The following HCRTR2 variants were observed in gnomAD, a reference collection of about 807,000 sequenced individuals.
The protein encoded by HCRTR2 is orexin receptor type 2.
HCRTR2 carries 22 observed loss-of-function variants against 49.0 expected under a neutral mutation model. The ratio of observed to expected loss-of-function variants is 0.45; its 90% CI spans 0.32 to 0.64. The LOEUF is 0.64. HCRTR2 is among the 30% of genes least tolerant of loss of function. The pLI, the probability that HCRTR2 is intolerant of heterozygous loss-of-function variation, is 0.04. For missense variants in HCRTR2, 491 were observed against 559.4 expected (o/e 0.88, Z 1.23); for synonymous variants, 236 against 205.3 (o/e 1.15, Z -1.28).
intron 1 of HCRTR2, among the ~76,000 whole-genome samples, chr6:55,149,000 A>T (rs1345138331): frequency 6.6e-6 from 1 of 152,016 alleles, no homozygotes; most frequent in Admixed American, 6.6e-5. Flanking sequence ...TAAAATGTGG[A>T]AAGTTAATAT....
intron 3 of HCRTR2, among the ~76,000 whole-genome samples, chr6:55,257,799 T>G (rs60529925): frequency 0.075 from 11,388 of 151,892 alleles, 865 homozygotes; most frequent in African/African-American, 0.19. Flanking sequence ...GAAAACTATT[T>G]GAAGGTGATT....
intron 3 of HCRTR2, among the ~76,000 whole-genome samples, chr6:55,261,886 A>T (rs145445985): frequency 2.1e-4 from 32 of 152,314 alleles, no homozygotes; most frequent in African/African-American, 7.5e-4. Flanking sequence ...CCAAATGCCC[A>T]TCAATCAATG....
intron 1 of HCRTR2, among the ~76,000 whole-genome samples, chr6:55,182,133 A>G (rs577948824): frequency 5.3e-5 from 8 of 152,298 alleles, no homozygotes; most frequent in African/African-American, 1.2e-4. Flanking sequence ...CCTTCATCCA[A>G]TGACTCACAG....
At position 55,282,440 on chromosome 6, in the gene HCRTR2, C is replaced by A; in HGVS notation, c.1321C>A (p.Leu441Ile). ...TLPAANGAGP[L>I]QNW Reference sequence around the variant, plus strand: ...CCCAGCAGCCAATGGAGCAGGACCACTTCAAAACTGGTAGAATATTTATTC... The same window carrying A: ...CCCAGCAGCCAATGGAGCAGGACCAATTCAAAACTGGTAGAATATTTATTC... The change falls in exon 7 of 7, where the codon CTT (leucine) becomes ATT (isoleucine). Residue 441 changes from leucine to isoleucine, a missense_variant. Physicochemically the swap from Leu to Ile is conservative, Grantham distance 5. Transcript: ENST00000370862. The A allele has an allele frequency of 6.4e-7, 1 of 1,564,024 alleles. No homozygotes were observed. Among genetic ancestry groups the A allele is most frequent in the Non-Finnish European group, 8.8e-7 (1 of 1,134,918 alleles).
At chr6:55,154,933 G>A (rs1764711169) in intron 1 of HCRTR2, among the ~76,000 whole-genome samples, 1 of 151,602 alleles carries the variant, frequency 6.6e-6, no homozygotes, top group African/African-American at 2.4e-5. Flanking sequence ...CTATATAATA[G>A]CAACAAACTA....
At chr6:55,249,911 G>A (rs1766516646) in intron 2 of HCRTR2, among the ~76,000 whole-genome samples, 2 of 151,912 alleles carry the variant, frequency 1.3e-5, no homozygotes, top group South Asian at 2.1e-4. Flanking sequence ...CTCCCAGATG[G>A]TGCCTATAAT....
intron 1 of HCRTR2, among the ~76,000 whole-genome samples, chr6:55,109,617 G>T (rs1287642513): frequency 6.6e-6 from 1 of 151,622 alleles, no homozygotes; most frequent in Non-Finnish European, 1.5e-5. Context: ...ATAGAAGAAA[G>T]AATTTCAGAG....
chr6:55,284,647 ACT>A (rs1254872664), downstream of HCRTR2, among the ~76,000 whole-genome samples: 3 of 151,752 alleles, frequency 2.0e-5, no homozygotes, highest in Non-Finnish European at 4.4e-5. Context: ...ATCAATGTTG[ACT>A]CTCACTCATG....
At chr6:55,163,108 C>T (rs539022118) in intron 1 of HCRTR2, among the ~76,000 whole-genome samples, 50 of 151,962 alleles carry the variant, frequency 3.3e-4, no homozygotes, top group African/African-American at 9.2e-4. Context: ...TGGTGGCAGG[C>T]GCCTGTAGTC....
chr6:55,121,056 T>C (rs917228192), intron 1 of HCRTR2, among the ~76,000 whole-genome samples: 12 of 152,124 alleles, frequency 7.9e-5, no homozygotes, highest in African/African-American at 2.7e-4. Flanking sequence ...ATCTATAAAT[T>C]ACCTTGGGCA....
At chr6:55,133,677 CT>C (rs1450188312) in intron 1 of HCRTR2, among the ~76,000 whole-genome samples, 1 of 149,508 alleles carries the variant, frequency 6.7e-6, no homozygotes, top group African/African-American at 2.5e-5. Flanking sequence ...ATCTATCTAT[CT>C]ATCTATCTAT....
At chr6:55,269,922 C>T (rs1242690557) in intron 4 of HCRTR2, among the ~76,000 whole-genome samples, 1 of 152,162 alleles carries the variant, frequency 6.6e-6, no homozygotes, top group East Asian at 1.9e-4. Context: ...TAAGACTGCA[C>T]CACTGCACTC....
At chr6:55,188,203 A>G (rs1033340140) in intron 1 of HCRTR2, among the ~76,000 whole-genome samples, 1 of 152,086 alleles carries the variant, frequency 6.6e-6, no homozygotes, top group African/African-American at 2.4e-5. Context: ...TGTCATACAC[A>G]TTTTCTGGTA....
intron 2 of HCRTR2, among the ~76,000 whole-genome samples, chr6:55,250,293 A>T (rs1766524860): frequency 6.6e-6 from 1 of 152,144 alleles, no homozygotes; most frequent in South Asian, 2.1e-4. Flanking sequence ...ATTCTCATAG[A>T]GGAAAAGTTA....
intron 3 of HCRTR2, among the ~76,000 whole-genome samples, chr6:55,262,498 A>C (rs1766782237): frequency 7.6e-6 from 1 of 131,412 alleles, no homozygotes; most frequent in African/African-American, 2.8e-5. Context: ...TTATTATTAT[A>C]TATTATAATA....
chr6:55,238,367 C>T (rs986843045), intron 1 of HCRTR2, among the ~76,000 whole-genome samples: 2 of 152,146 alleles, frequency 1.3e-5, no homozygotes, highest in Admixed American at 6.6e-5. Flanking sequence ...AATTTTAAAA[C>T]TGTCAGTATT....
At chr6:55,111,261 C>A (rs113075571) in intron 1 of HCRTR2, among the ~76,000 whole-genome samples, 5,672 of 151,936 alleles carry the variant, frequency 0.037, 345 homozygotes, top group African/African-American at 0.13. Flanking sequence ...CCTCAAGGAA[C>A]TAGAGAAACA....
intron 1 of HCRTR2, among the ~76,000 whole-genome samples, chr6:55,225,248 T>A (rs972199133): frequency 6.6e-6 from 1 of 152,174 alleles, no homozygotes; most frequent in Non-Finnish European, 1.5e-5. Flanking sequence ...ATAGTATTTC[T>A]TTGTCTCCAT....
At chr6:55,200,797 A>G (rs1765500116) in intron 1 of HCRTR2, among the ~76,000 whole-genome samples, 1 of 152,196 alleles carries the variant, frequency 6.6e-6, no homozygotes, top group Admixed American at 6.5e-5. Flanking sequence ...CTTATTTTGT[A>G]TAATAGCTTT....
Sources: allele counts gnomAD v4.1 joint callset (sites outside exome capture counted in the v4.1 genomes callset), GRCh38; gene constraint gnomAD v4.1.1; transcripts MANE v1.5; gene names NCBI Gene and HGNC (gene_info 2026-07-23, HGNC 2026-07-21).